Variants in TNIP3 observed in about 807,000 individuals in gnomAD.
TNIP3 encodes the protein TNFAIP3 interacting protein 3.
TNIP3 carries 34 observed loss-of-function variants against 54.1 expected under a neutral mutation model. That is an observed-to-expected ratio of 0.63 (90% confidence interval 0.48 to 0.84). The LOEUF is 0.84. TNIP3 is among the 40% of genes least tolerant of loss of function. The pLI is 0.00. For missense variants in TNIP3, 366 were observed against 387.6 expected, an observed-to-expected ratio of 0.94 and a Z score of 0.47; for synonymous variants, 134 against 136.8, an observed-to-expected ratio of 0.98 and a Z score of 0.14.
chr4:121,219,602 G>A (rs1051279909), upstream of TNIP3, among the ~76,000 whole-genome samples: 31 of 152,062 alleles, frequency 2.0e-4, no homozygotes, highest in African/African-American at 7.5e-4. Flanking sequence ...TAATATACTT[G>A]GATTTCTAAA....
At chr4:121,165,180 A>G (rs999542814), upstream of TNIP3, among the ~76,000 whole-genome samples, 4 of 151,550 alleles carry the variant, frequency 2.6e-5, no homozygotes, top group Admixed American at 1.3e-4. Context: ...ATATAGGATA[A>G]AGCCTAAAAC....
rs1470123630 is a variant in TNIP3, at chr4:121,131,762, G to C, written c.*869C>G. The C allele has an allele frequency of 6.6e-6, 1 of 151,966 alleles. No individual in the cohort carries two copies. Among genetic ancestry groups the C allele is most frequent in the Non-Finnish European group, 1.5e-5 (1 of 68,146 alleles). 9.4% of individuals were successfully genotyped at this position (151,966 alleles called of 1,614,324 possible). A position where few individuals can be genotyped will look rare whatever the true frequency, so the allele number is the denominator to read the frequency against. On this transcript the variant is annotated 3_prime_UTR_variant, in exon 11 of 11. Coordinates refer to ENST00000057513, the MANE Select transcript of TNIP3 (RefSeq NM_024873.6). ...GATCCTCCCGCCTCAAGCCTCCTGA[G>C]TAGCTGGGTTTATAGGTGTGTGCCA...
intron 3 of TNIP3, among the ~76,000 whole-genome samples, chr4:121,176,649 G>C (rs1183078488): frequency 7.3e-6 from 1 of 137,538 alleles, no homozygotes; most frequent in East Asian, 2.0e-4. Flanking sequence ...AAGAAAACAA[G>C]ATTTTGATTA....
chr4:121,165,730 G>A (rs1730729540), upstream of TNIP3, among the ~76,000 whole-genome samples: 2 of 151,406 alleles, frequency 1.3e-5, no homozygotes, highest in Non-Finnish European at 1.5e-5. Context: ...TTGGGTCTAC[G>A]CTTGAGTGAA....
chr4:121,153,019 G>A (rs934372666), intron 5 of TNIP3, among the ~76,000 whole-genome samples: 15 of 152,116 alleles, frequency 9.9e-5, no homozygotes, highest in Admixed American at 7.2e-4. Flanking sequence ...AAATTAAACC[G>A]GGAAATACCA....
intron 2 of TNIP3, chr4:121,216,340 T>C (rs1726789448): frequency 1.6e-6 from 2 of 1,272,152 alleles, no homozygotes; most frequent in Non-Finnish European, 2.2e-6. Flanking sequence ...TACACTATCA[T>C]TGCCACAAAG....
intron 2 of TNIP3, among the ~76,000 whole-genome samples, chr4:121,192,546 C>G (rs866490042): frequency 2.6e-5 from 4 of 152,092 alleles, no homozygotes; most frequent in Admixed American, 6.5e-5. Context: ...TCCTGAAAAG[C>G]TTCTATCGAG....
chr4:121,198,075 T>C (rs940611466), intron 2 of TNIP3, among the ~76,000 whole-genome samples: 2 of 151,984 alleles, frequency 1.3e-5, no homozygotes, highest in Non-Finnish European at 2.9e-5. Flanking sequence ...ATGCGGATAA[T>C]AGATGTGTTT....
At chr4:121,174,067 A>G (rs1258480593) in intron 3 of TNIP3, among the ~76,000 whole-genome samples, 1 of 152,200 alleles carries the variant, frequency 6.6e-6, no homozygotes, top group Non-Finnish European at 1.5e-5. Context: ...AAATCTCAAC[A>G]TTAGAGGGGA....
At chr4:121,140,381 C>T (rs565483756) in intron 9 of TNIP3, among the ~76,000 whole-genome samples, 1 of 152,208 alleles carries the variant, frequency 6.6e-6, no homozygotes, top group Non-Finnish European at 1.5e-5. Context: ...GGCCATTCTA[C>T]ATGGCTTGGA....
Position 121,135,554 on chromosome 4 carries a change from G to T in TNIP3, c.947-2892C>A, listed in dbSNP as rs1269734938. Among the ~76,000 whole-genome samples, 6 of 152,094 alleles carry T rather than the reference G, an allele frequency of 3.9e-5. No individual in the cohort carries two copies. The East Asian group carries it at 1.2e-3, about 29-fold the overall frequency. ...CTGGGACTACAGGCACATGCCACTA[G>T]ACTTGGTTAATTTTTGTATTTTTTT... On this transcript the variant is annotated intron_variant, in intron 10 of 10. Transcript: ENST00000057513.
chr4:121,179,746 A>C (rs1724567935), intron 3 of TNIP3, among the ~76,000 whole-genome samples: 1 of 150,500 alleles, frequency 6.6e-6, no homozygotes, highest in African/African-American at 2.4e-5. Flanking sequence ...GGAATCCAGG[A>C]TTCCCCCAAG....
upstream of TNIP3, among the ~76,000 whole-genome samples, chr4:121,165,323 T>C (rs1730700455): frequency 6.6e-6 from 1 of 151,654 alleles, no homozygotes; most frequent in African/African-American, 2.4e-5. Context: ...CTGAAATGAG[T>C]GAGATGGTTC....
rs1230128045 is a variant in TNIP3 at position 121,141,885 on chromosome 4, C to T, written c.816G>A (p.Leu272=). The T allele has an allele frequency of 6.3e-7, 1 of 1,598,988 alleles. No individual in the cohort carries two copies. Among genetic ancestry groups the T allele is most frequent in the East Asian group, 2.3e-5 (1 of 43,590 alleles). The change falls in exon 9 of 11, where the codon TTG becomes TTA. Residue 272 remains leucine (L), a synonymous_variant. Transcript: ENST00000057513. ...QMYCPPCNCG[L]VFHLQDPWVP... is the part of the protein sequence containing the mutation. The stretch of plus-strand genomic sequence containing the variant: ...CCCATGGATCTTGCAGGTGGAAAAC[C>T]AAGCCGCAGTTACAGGGTGGGCAAT...
rs751631531 is a variant in TNIP3 at position 121,164,067 on chromosome 4, T to C, written c.59A>G (p.His20Arg). ...CTAGAAATATGTTCTTACCTCTTTA[T>C]GCTCCGTAGAACTTTCTGCGGCAAT... The part of the protein sequence containing the change: ...RMIAAESSTE[H>R]KECAEPSTRK... The change falls in exon 1 of 11, where the codon CAT (histidine) becomes CGT (arginine). Residue 20 changes from histidine to arginine, a missense_variant. Physicochemically the swap from His to Arg is conservative, Grantham distance 29 (BLOSUM62 0). Transcript: ENST00000057513. 7.4e-6 allele frequency: 12 copies of C among 1,613,616 alleles called. No homozygotes were observed. The South Asian group carries it at 1.1e-4, about 15-fold the overall frequency.
Position 121,161,192 on chromosome 4 carries a change from T to C in TNIP3, c.91A>G (p.Asn31Asp). ...KECAEPSTRK[N>D]LMNSLEQKIR... ...TTTTGTTCAAGAGAATTCATCAAGT[T>C]CTTTCTTGTTGATGGTTCAGCACAC... Residue 31 changes from asparagine to aspartate, a missense_variant, in exon 2 of 11, where the codon AAC becomes GAC. By Grantham distance (23) the Asn-to-Asp change is conservative. Coordinates refer to ENST00000057513, the MANE Select transcript of TNIP3 (RefSeq NM_024873.6). 6.3e-7 allele frequency: 1 copy of C among 1,586,396 alleles called. No individual in the cohort carries two copies. Among genetic ancestry groups the C allele is most frequent in the East Asian group, 2.3e-5 (1 of 44,410 alleles).
At chr4:121,181,828 A>C (rs1017120985) in intron 3 of TNIP3, among the ~76,000 whole-genome samples, 1 of 152,122 alleles carries the variant, frequency 6.6e-6, no homozygotes, top group African/African-American at 2.4e-5. Flanking sequence ...TATAAAAGTA[A>C]ATATTTGTTT....
chr4:121,157,013 G>T (rs979538634), intron 4 of TNIP3, 81 bp downstream of exon 4: 2 of 1,570,118 alleles, frequency 1.3e-6, no homozygotes, highest in Non-Finnish European at 1.7e-6. Context: ...TTAATAAAAC[G>T]GTAGGTTTTC....
intron 2 of TNIP3, among the ~76,000 whole-genome samples, chr4:121,194,019 G>C (rs149985420): frequency 6.6e-6 from 1 of 152,098 alleles, no homozygotes; most frequent in Non-Finnish European, 1.5e-5. Flanking sequence ...TGTAATGTAA[G>C]ATCCTGGATT....
Sources: allele counts gnomAD v4.1 joint callset (sites outside exome capture counted in the v4.1 genomes callset), GRCh38; gene constraint gnomAD v4.1.1; transcripts MANE v1.5; gene names NCBI Gene and HGNC (gene_info 2026-07-23, HGNC 2026-07-21).